Variants in LRMDA observed in about 807,000 individuals in gnomAD.
The protein encoded by LRMDA is leucine-rich melanocyte differentiation-associated protein.
LRMDA carries 18 observed loss-of-function variants against 29.8 expected under a neutral mutation model. That is an observed-to-expected ratio of 0.60 (90% CI 0.42 to 0.90). LRMDA has a LOEUF of 0.90. Among genes scored for constraint, LRMDA ranks in the 40% least tolerant of loss-of-function variants. The pLI, the probability that LRMDA is intolerant of heterozygous loss-of-function variation, is 0.00. For synonymous variants in LRMDA, 125 were observed against 109.4 expected (o/e 1.14, Z -0.89); for missense variants, 273 against 273.9 (o/e 1.00, Z 0.02).
At position 76,417,072 on chromosome 10, in the gene LRMDA, T is replaced by C. The variant is rs367616175; in HGVS notation, c.601+92587T>C. Among the ~76,000 whole-genome samples the C allele has an allele frequency of 1.2e-4, 18 of 152,336 alleles. 1 individual carries two copies. Among genetic ancestry groups the C allele is most frequent in the African/African-American group, 4.3e-4 (18 of 41,586 alleles). ...GGTTAATTTTGGTAACATATCATATTTTACTCTGGCTTGGTGGGATTAGGT... is the reference window on the plus strand; with the variant it reads ...GGTTAATTTTGGTAACATATCATATCTTACTCTGGCTTGGTGGGATTAGGT... On this transcript the variant is annotated intron_variant, in intron 6 of 6. Coordinates refer to ENST00000611255, the MANE Select transcript of LRMDA (RefSeq NM_001305581.2).
chr10:76,124,256 G>A (rs1849839647), intron 5 of LRMDA, among the ~76,000 whole-genome samples: 2 of 152,294 alleles, frequency 1.3e-5, no homozygotes, highest in African/African-American at 4.8e-5. Context: ...CTATTTCTCA[G>A]GATGACCCAG....
chr10:76,507,104 G>A (rs780570703), intron 6 of LRMDA, among the ~76,000 whole-genome samples: 2 of 151,848 alleles, frequency 1.3e-5, no homozygotes, highest in Non-Finnish European at 2.9e-5. Context: ...ACCAGCATCT[G>A]TTATTTTGTG....
At chr10:76,239,655 A>G (rs1332208256) in intron 5 of LRMDA, among the ~76,000 whole-genome samples, 1 of 151,994 alleles carries the variant, frequency 6.6e-6, no homozygotes, top group African/African-American at 2.4e-5. Flanking sequence ...ATCCTGGGCA[A>G]TGACCCACAT....
Position 75,834,305 on chromosome 10 carries a change from C to T in LRMDA, c.132-201703C>T, listed in dbSNP as rs140323180. Among the ~76,000 whole-genome samples, 646 of 152,240 alleles carry T rather than the reference C, an allele frequency of 4.2e-3. 1 individual carries two copies. Among genetic ancestry groups the T allele is most frequent in the Middle Eastern group, 0.034 (10 of 294 alleles). On this transcript the variant is annotated intron_variant, in intron 2 of 6. Coordinates refer to ENST00000611255, the MANE Select transcript of LRMDA (RefSeq NM_001305581.2). ...CTGTTGAGATGGTTGAGGGGATTCA[C>T]GAGTCACATGCCTAATCTCTTCAAA...
intron 2 of LRMDA, among the ~76,000 whole-genome samples, chr10:76,031,793 C>T (rs188216889): frequency 6.6e-6 from 1 of 151,478 alleles, no homozygotes; most frequent in African/African-American, 2.4e-5. Context: ...GGAGATCTTG[C>T]TTTCTTGATT....
At chr10:75,563,077 G>A (rs372205836) in intron 2 of LRMDA, among the ~76,000 whole-genome samples, 1 of 152,106 alleles carries the variant, frequency 6.6e-6, no homozygotes, top group East Asian at 1.9e-4. Flanking sequence ...ATGTTGGCCT[G>A]CCTTGCTAGA....
chr10:75,866,975 G>T (rs372043967), intron 2 of LRMDA, among the ~76,000 whole-genome samples: 2 of 152,306 alleles, frequency 1.3e-5, no homozygotes, highest in East Asian at 1.9e-4. Context: ...TCCTTGCCAT[G>T]ACATTCAGTG....
chr10:76,427,436 T>G (rs1463946351), intron 6 of LRMDA, among the ~76,000 whole-genome samples: 1 of 152,172 alleles, frequency 6.6e-6, no homozygotes, highest in Non-Finnish European at 1.5e-5. Context: ...ATGCTTGTGA[T>G]TTTTGCACAT....
intron 2 of LRMDA, among the ~76,000 whole-genome samples, chr10:75,869,221 G>A (rs1845068952): frequency 6.6e-6 from 1 of 152,112 alleles, no homozygotes; most frequent in African/African-American, 2.4e-5. Context: ...ATCCCCATTT[G>A]ACCCTGAGGA....
intron 6 of LRMDA, among the ~76,000 whole-genome samples, chr10:76,450,231 C>T (rs1176517273): frequency 6.6e-6 from 1 of 152,014 alleles, no homozygotes; most frequent in Non-Finnish European, 1.5e-5. Context: ...AAGTTATAGA[C>T]TTTTCTAGTC....
intron 2 of LRMDA, among the ~76,000 whole-genome samples, chr10:75,722,481 A>C (rs574187902): frequency 2.0e-5 from 3 of 152,276 alleles, no homozygotes; most frequent in Admixed American, 2.0e-4. Flanking sequence ...TGGGCTTATA[A>C]ATGAAGAGTT....
At chr10:76,329,415 G>T (rs919678487) in intron 6 of LRMDA, among the ~76,000 whole-genome samples, 1 of 152,132 alleles carries the variant, frequency 6.6e-6, no homozygotes, top group African/African-American at 2.4e-5. Context: ...ATTTCCTGAT[G>T]CTTATACTAT....
At chr10:76,107,616 C>T (rs778051724) in intron 5 of LRMDA, among the ~76,000 whole-genome samples, 7 of 152,322 alleles carry the variant, frequency 4.6e-5, no homozygotes, top group Non-Finnish European at 8.8e-5. Context: ...GCTCTGTTTC[C>T]GCTGTCTCTG....
intron 2 of LRMDA, among the ~76,000 whole-genome samples, chr10:75,640,780 T>TAAAAA (rs1231032848): frequency 6.6e-6 from 1 of 151,956 alleles, no homozygotes; most frequent in South Asian, 2.1e-4. Context: ...AGCTTTTTTT[T>TAAAAA]AAACAAAACA....
chr10:76,238,365 C>T (rs1429064361), intron 5 of LRMDA, among the ~76,000 whole-genome samples: 3 of 152,140 alleles, frequency 2.0e-5, no homozygotes, highest in Admixed American at 1.3e-4. Flanking sequence ...TGGCCAAGTT[C>T]ATGACTTATT....
At chr10:76,411,517 A>G (rs1841961310) in intron 6 of LRMDA, among the ~76,000 whole-genome samples, 1 of 152,226 alleles carries the variant, frequency 6.6e-6, no homozygotes, top group South Asian at 2.1e-4. Flanking sequence ...CCCTAAAGGG[A>G]CAGTCCTATT....
intron 6 of LRMDA, among the ~76,000 whole-genome samples, chr10:76,447,281 T>A (rs913927892): frequency 2.6e-5 from 4 of 152,186 alleles, no homozygotes; most frequent in African/African-American, 9.7e-5. Context: ...TAGTGCTTTC[T>A]TATTCAAAAG....
intron 5 of LRMDA, among the ~76,000 whole-genome samples, chr10:76,059,500 T>C (rs77585563): frequency 0.024 from 3,636 of 152,238 alleles, 156 homozygotes; most frequent in African/African-American, 0.083. Context: ...TGGGAGTCCT[T>C]CAGTGAAGCC....
chr10:76,542,835 A>G lies in LRMDA; in HGVS notation c.602-14374A>G, dbSNP rs113137247. On this transcript the variant is annotated intron_variant, in intron 6 of 6. Transcript: ENST00000611255. Reference sequence around the variant, plus strand: ...GAAAAGCTGATTGTATGCAGAATGCAATCATTAAACCCACTTCAGCTCACT... The same window carrying G: ...GAAAAGCTGATTGTATGCAGAATGCGATCATTAAACCCACTTCAGCTCACT... 2.2e-3 allele frequency among the ~76,000 whole-genome samples: 342 copies of G among 152,350 alleles called. 2 individuals are homozygous for G. Among genetic ancestry groups the G allele is most frequent in the Middle Eastern group, 0.01 (3 of 294 alleles).
Sources: gnomAD v4.1 joint callset for allele counts (sites outside exome capture counted in the v4.1 genomes callset) on GRCh38, gnomAD v4.1.1 for gene constraint, MANE v1.5 for transcripts, NCBI Gene and HGNC (gene_info 2026-07-23, HGNC 2026-07-21) for gene names.